The following XIRP2 variants were observed in gnomAD, a reference collection of about 807,000 sequenced individuals.
The protein encoded by XIRP2 is xin actin binding repeat containing 2.
In XIRP2, 236 loss-of-function variants were observed where a neutral mutation model predicts 277.0. The ratio of observed to expected loss-of-function variants is 0.85; its 90% CI spans 0.77 to 0.95. XIRP2 has a LOEUF of 0.95. XIRP2 is among the 40% of genes least tolerant of loss of function. XIRP2 has a pLI of 0.00. For missense variants in XIRP2, 4,640 were observed against 4,157.5 expected, an observed-to-expected ratio of 1.12 and a Z score of -3.19; for synonymous variants, 1,490 against 1,416.5, an observed-to-expected ratio of 1.05 and a Z score of -1.17.
intron 2 of XIRP2, among the ~76,000 whole-genome samples, chr2:166,910,167 G>C (rs1011525728): frequency 1.1e-4 from 16 of 152,304 alleles, no homozygotes; most frequent in African/African-American, 3.8e-4. Context: ...CTATTGATTG[G>C]AATAGTTTCA....
chr2:167,103,608 G>T (rs1231728482), intron 2 of XIRP2, among the ~76,000 whole-genome samples: 3 of 152,162 alleles, frequency 2.0e-5, no homozygotes, highest in African/African-American at 7.2e-5. Context: ...CAGGAAAGTG[G>T]TTATTTGACC....
At chr2:167,227,759 G>A (rs988011900) in intron 5 of XIRP2, among the ~76,000 whole-genome samples, 1 of 151,338 alleles carries the variant, frequency 6.6e-6, no homozygotes, top group Non-Finnish European at 1.5e-5. Flanking sequence ...TTAACTGAAG[G>A]AAAATATGTT....
rs1695369885 is a variant in XIRP2, at chr2:167,248,761, A to G, written c.7369A>G (p.Ile2457Val). ...ATSLSDMECKITTSKDQKKVM... is the reference protein window; with the variant it reads ...ATSLSDMECKVTTSKDQKKVM... ...CTCCCTGTCAGATATGGAATGTAAAATTACTACCTCAAAGGATCAGAAAAA... is the reference window on the plus strand; with the variant it reads ...CTCCCTGTCAGATATGGAATGTAAAGTTACTACCTCAAAGGATCAGAAAAA... The change falls in exon 9 of 11, where the codon ATT becomes GTT. Residue 2457 changes from isoleucine (I) to valine (V), a missense_variant. Ile to Val is a conservative substitution (Grantham distance 29). Transcript: ENST00000409195. The G allele has an allele frequency of 6.2e-7, 1 of 1,613,624 alleles. No individual in the cohort carries two copies. Among genetic ancestry groups the G allele is most frequent in the African/African-American group, 1.3e-5 (1 of 74,850 alleles).
chr2:166,948,156 A>C (rs181068980), intron 2 of XIRP2, among the ~76,000 whole-genome samples: 1 of 152,224 alleles, frequency 6.6e-6, no homozygotes, highest in Non-Finnish European at 1.5e-5. Flanking sequence ...CATTATACAC[A>C]TGTCTGATCC....
At chr2:167,195,107 T>A (rs1429111143) in intron 3 of XIRP2, among the ~76,000 whole-genome samples, 1 of 152,178 alleles carries the variant, frequency 6.6e-6, no homozygotes, top group Non-Finnish European at 1.5e-5. Flanking sequence ...AAAAACACCC[T>A]TATCTTTCAC....
chr2:166,903,303 G>A (rs560439343), intron 1 of XIRP2, among the ~76,000 whole-genome samples, 162 bp from the exon 2 acceptor site: 1 of 152,120 alleles, frequency 6.6e-6, no homozygotes, highest in East Asian at 1.9e-4. Context: ...TAACGTTGTG[G>A]GGTGAAGTGA....
chr2:167,003,207 T>A (rs1687416975), intron 2 of XIRP2, among the ~76,000 whole-genome samples: 1 of 149,818 alleles, frequency 6.7e-6, no homozygotes. Flanking sequence ...CACAAACACT[T>A]GTGTAGGACT....
At position 166,903,474 on chromosome 2, in the gene XIRP2, G is replaced by A. The variant is rs1168866848; in HGVS notation, c.-9G>A. The A allele has an allele frequency of 6.2e-7, 1 of 1,608,388 alleles. No individual in the cohort carries two copies. The highest frequency in any genetic ancestry group is 8.5e-7 in the Non-Finnish European group (1 of 1,176,724). On this transcript the variant is annotated 5_prime_UTR_variant, in exon 2 of 11. Coordinates refer to ENST00000409195, the MANE Select transcript of XIRP2 (RefSeq NM_152381.6). ...ATTCTTGATATTGCAGGACAACCTG[G>A]ACCCATCCATGTTCCCAATGCAGAA...
chr2:167,009,653 A>G (rs1297233796), intron 2 of XIRP2, among the ~76,000 whole-genome samples: 12 of 152,144 alleles, frequency 7.9e-5, no homozygotes, highest in African/African-American at 2.9e-4. Flanking sequence ...GACTTCCACA[A>G]TGGTTGAACT....
At chr2:166,965,190 A>G (rs1686399359) in intron 2 of XIRP2, among the ~76,000 whole-genome samples, 1 of 151,882 alleles carries the variant, frequency 6.6e-6, no homozygotes, top group African/African-American at 2.4e-5. Flanking sequence ...GAACATGAAG[A>G]GTCAGTAATA....
At chr2:167,091,331 C>T (rs1305144068) in intron 2 of XIRP2, among the ~76,000 whole-genome samples, 2 of 152,012 alleles carry the variant, frequency 1.3e-5, no homozygotes, top group Non-Finnish European at 2.9e-5. Flanking sequence ...TTATAATAGC[C>T]CTGTTCACAG....
At chr2:167,139,611 T>A (rs1691653079) in intron 3 of XIRP2, among the ~76,000 whole-genome samples, 1 of 152,172 alleles carries the variant, frequency 6.6e-6, no homozygotes, top group African/African-American at 2.4e-5. Context: ...TTTCTACTGC[T>A]CTTTACGTGA....
intron 5 of XIRP2, among the ~76,000 whole-genome samples, chr2:167,218,777 A>G (rs543401947): frequency 2.0e-5 from 3 of 152,336 alleles, no homozygotes; most frequent in South Asian, 4.1e-4. Flanking sequence ...CAGATGTTAC[A>G]TAAAACCACA....
intron 2 of XIRP2, among the ~76,000 whole-genome samples, chr2:166,937,574 T>C (rs1452286498): frequency 2.6e-5 from 4 of 152,206 alleles, no homozygotes; most frequent in Non-Finnish European, 5.9e-5. Context: ...GTTGTGTCTC[T>C]GTCAGACTTT....
chr2:166,903,455 G>A lies in XIRP2; in HGVS notation c.-18-10G>A, dbSNP rs1684433988. On this transcript the variant is annotated splice_polypyrimidine_tract_variant and intron_variant, in intron 1 of 10. Coordinates refer to ENST00000409195, the MANE Select transcript of XIRP2 (RefSeq NM_152381.6). ...GTGTATCACTGATAAAAGGATTCTT[G>A]ATATTGCAGGACAACCTGGACCCAT... 2 of 1,586,620 alleles carry A rather than the reference G, an allele frequency of 1.3e-6. No homozygotes were observed. The highest frequency in any genetic ancestry group is 2.7e-5 in the African/African-American group (2 of 74,150).
intron 2 of XIRP2, among the ~76,000 whole-genome samples, chr2:167,029,847 G>T (rs955388557): frequency 1.3e-5 from 2 of 152,012 alleles, no homozygotes; most frequent in African/African-American, 2.4e-5. Flanking sequence ...GGCATTTTTT[G>T]GTTGGTAGGC....
At chr2:166,892,598 C>G (rs1009265216) in intron 1 of XIRP2, among the ~76,000 whole-genome samples, 17 of 152,036 alleles carry the variant, frequency 1.1e-4, no homozygotes, top group Admixed American at 9.8e-4. Flanking sequence ...CTGCCTGCAT[C>G]TGAGGAGAGG....
At chr2:167,087,947 C>T (rs112321336) in intron 2 of XIRP2, among the ~76,000 whole-genome samples, 22 of 152,230 alleles carry the variant, frequency 1.4e-4, no homozygotes, top group East Asian at 3.9e-4. Context: ...TGTTCCTATT[C>T]GGCCATCTTG....
intron 2 of XIRP2, among the ~76,000 whole-genome samples, chr2:167,098,569 C>T (rs183693713): frequency 3.9e-5 from 6 of 152,286 alleles, no homozygotes; most frequent in African/African-American, 7.2e-5. Flanking sequence ...ATTCTCCATC[C>T]GGTTTTGTTC....
Sources: gnomAD v4.1 joint callset for allele counts (sites outside exome capture counted in the v4.1 genomes callset) on GRCh38, gnomAD v4.1.1 for gene constraint, MANE v1.5 for transcripts, NCBI Gene and HGNC (gene_info 2026-07-23, HGNC 2026-07-21) for gene names.